The following STIM1 variants were observed in gnomAD, a reference collection of about 807,000 sequenced individuals.
STIM1 encodes stromal interaction molecule 1.
Under a neutral mutation model 74.7 loss-of-function variants are expected in STIM1, and 25 were observed. The ratio of observed to expected loss-of-function variants is 0.33; its 90% CI spans 0.24 to 0.47. The LOEUF is 0.47. Ranked by LOEUF, STIM1 falls within the 20% of genes least tolerant of loss-of-function variation. The pLI is 1.00. For synonymous variants in STIM1, 328 were observed against 348.8 expected (o/e 0.94, Z 0.66); for missense variants, 728 against 920.8 (o/e 0.79, Z 2.71).
intron 1 of STIM1, among the ~76,000 whole-genome samples, chr11:3,904,669 T>C (rs1386238123): frequency 6.6e-6 from 1 of 151,692 alleles, no homozygotes; most frequent in Non-Finnish European, 1.5e-5. Context: ...GGAACAAGGG[T>C]AGTGGTCATG....
chr11:3,985,020 AAGCTG>A (rs1188792617), intron 2 of STIM1, among the ~76,000 whole-genome samples: 1 of 152,184 alleles, frequency 6.6e-6, no homozygotes, highest in African/African-American at 2.4e-5. Flanking sequence ...GTTCCCAGAC[AAGCTG>A]AGCTACGTAT....
In STIM1 at chr11:4,011,124, G is replaced by C. The variant is rs532506337; in HGVS notation, c.271-12749G>C. Among the ~76,000 whole-genome samples the C allele has an allele frequency of 9.9e-5, 15 of 152,252 alleles. No individual in the cohort carries two copies. The South Asian group carries it at 2.9e-3, about 29-fold the overall frequency. ...TTCTTTATCCAGTCTGTTATTGATG[G>C]ACATTTGGGTTGGTTCCAAGTCTTT... On this transcript the variant is annotated intron_variant, in intron 2 of 12. Transcript: ENST00000526596.
At chr11:4,038,834 T>G in intron 3 of STIM1, among the ~76,000 whole-genome samples, 1 of 152,224 alleles carries the variant, frequency 6.6e-6, no homozygotes, top group East Asian at 1.9e-4. Flanking sequence ...CTTACATTTT[T>G]CAGAGTTTTC....
chr11:4,081,628 C>G (rs989324053), intron 7 of STIM1, among the ~76,000 whole-genome samples: 2 of 152,248 alleles, frequency 1.3e-5, no homozygotes, highest in South Asian at 4.1e-4. Context: ...GGAACTCATT[C>G]TCTCCTGAGA....
intron 1 of STIM1, among the ~76,000 whole-genome samples, chr11:3,909,387 C>G (rs1407946404): frequency 1.3e-5 from 2 of 152,174 alleles, no homozygotes; most frequent in South Asian, 2.1e-4. Context: ...TCCTAAGTCC[C>G]AGGTACCAGT....
chr11:3,986,526 T>G (rs1213939742), intron 2 of STIM1, among the ~76,000 whole-genome samples: 2 of 152,178 alleles, frequency 1.3e-5, no homozygotes, highest in Non-Finnish European at 2.9e-5. Context: ...GTTGAAAAGC[T>G]AGAAGTAAAC....
At chr11:3,963,502 A>G (rs1468699303) in intron 1 of STIM1, among the ~76,000 whole-genome samples, 1 of 152,250 alleles carries the variant, frequency 6.6e-6, no homozygotes, top group East Asian at 1.9e-4. Context: ...GATGTTATGC[A>G]TATAAAAGGG....
chr11:4,068,142 G>A (rs953501279), intron 5 of STIM1, among the ~76,000 whole-genome samples: 1 of 152,184 alleles, frequency 6.6e-6, no homozygotes, highest in South Asian at 2.1e-4. Context: ...GAGGGAGGGA[G>A]TGACTGTTAG....
chr11:3,895,737 T>TC (rs2092117518), intron 1 of STIM1, among the ~76,000 whole-genome samples: 3 of 29,970 alleles, frequency 1.0e-4, no homozygotes, highest in South Asian at 2.7e-3. Context: ...TTTCTTTCTT[T>TC]TTCTTTCTTC....
At chr11:4,080,068 A>T (rs1362932640) in intron 7 of STIM1, among the ~76,000 whole-genome samples, 1 of 140,240 alleles carries the variant, frequency 7.1e-6, no homozygotes, top group Non-Finnish European at 1.5e-5. Context: ...AGAAATAAAT[A>T]AATAAATAAA....
intron 3 of STIM1, among the ~76,000 whole-genome samples, chr11:4,049,020 C>T (rs1291203481): frequency 3.3e-5 from 5 of 152,328 alleles, no homozygotes; most frequent in African/African-American, 1.2e-4. Context: ...AGGCGTAAGC[C>T]ACTGCACCTG....
intron 1 of STIM1, among the ~76,000 whole-genome samples, chr11:3,856,839 C>T (rs2135175033): frequency 6.6e-6 from 1 of 152,330 alleles, no homozygotes; most frequent in Admixed American, 6.5e-5. Context: ...TGGGCCACCT[C>T]TGTTGCCTGA....
chr11:4,003,641 G>A (rs2093744896), intron 2 of STIM1, among the ~76,000 whole-genome samples: 2 of 152,212 alleles, frequency 1.3e-5, no homozygotes, highest in Non-Finnish European at 2.9e-5. Flanking sequence ...CATACTGAAT[G>A]GGCAAAAACT....
In STIM1 at chr11:3,933,747, A is replaced by G. The variant is rs574517601; in HGVS notation, c.140-33805A>G. 2.6e-5 allele frequency among the ~76,000 whole-genome samples: 4 copies of G among 152,306 alleles called. No individual in the cohort carries two copies. In the South Asian group the frequency reaches 8.3e-4, roughly 32 times the overall value. Reference sequence around the variant, plus strand: ...TTTGTGTCTAATGTGAGGCAACATTATAACTATAATTGGAGTCATTTTTAA... The same window carrying G: ...TTTGTGTCTAATGTGAGGCAACATTGTAACTATAATTGGAGTCATTTTTAA... On this transcript the variant is annotated intron_variant, in intron 1 of 12. Coordinates refer to ENST00000526596, the MANE Select transcript of STIM1 (RefSeq NM_001382567.1).
In STIM1 at chr11:3,882,539, C is replaced by T. The variant is rs376136659; in HGVS notation, c.139+26130C>T. Among the ~76,000 whole-genome samples, 74 of 152,222 alleles carry T rather than the reference C, an allele frequency of 4.9e-4. 3 individuals are homozygous for T. The highest frequency in any genetic ancestry group is 1.7e-3 in the African/African-American group (72 of 41,520). On this transcript the variant is annotated intron_variant, in intron 1 of 12. Coordinates refer to ENST00000526596, the MANE Select transcript of STIM1 (RefSeq NM_001382567.1). ...GATAGTGCTGTTAAGAATTTGTGTG[C>T]ACCGTTTACCTATGTACCAAACCTA...
Position 3,892,864 on chromosome 11 carries a change from G to C in STIM1, c.139+36455G>C, listed in dbSNP as rs2091939721. 8 of 1,596,534 alleles carry C rather than the reference G, an allele frequency of 5.0e-6. No individual in the cohort carries two copies. The South Asian group carries it at 7.7e-5, about 15-fold the overall frequency. On this transcript the variant is annotated intron_variant, in intron 1 of 12. Transcript: ENST00000526596. Reference sequence around the variant, plus strand: ...AGGGCTCGCTGTTGACAGCAATGTCGAAGAACACGGTGGGGTTAACCACGG... The same window carrying C: ...AGGGCTCGCTGTTGACAGCAATGTCCAAGAACACGGTGGGGTTAACCACGG...
intron 3 of STIM1, among the ~76,000 whole-genome samples, chr11:4,028,986 G>A (rs1008452986): frequency 4.6e-5 from 7 of 151,852 alleles, no homozygotes; most frequent in Non-Finnish European, 1.0e-4. Context: ...AGGAGTTCAA[G>A]ACCAGCCTGG....
chr11:4,051,639 C>A (rs574912619), intron 3 of STIM1, among the ~76,000 whole-genome samples: 2 of 151,984 alleles, frequency 1.3e-5, no homozygotes, highest in East Asian at 3.9e-4. Context: ...CACTGCCTGG[C>A]CATAAATTAT....
intron 2 of STIM1, among the ~76,000 whole-genome samples, chr11:4,020,274 C>G (rs1004462667): frequency 6.6e-6 from 1 of 152,166 alleles, no homozygotes; most frequent in Non-Finnish European, 1.5e-5. Context: ...GTGAAGATGT[C>G]TCTTCAACAT....
Sources: gnomAD v4.1 joint callset for allele counts (sites outside exome capture counted in the v4.1 genomes callset) on GRCh38, gnomAD v4.1.1 for gene constraint, MANE v1.5 for transcripts, NCBI Gene and HGNC (gene_info 2026-07-23, HGNC 2026-07-21) for gene names.